Variants in TTF2 observed in about 807,000 individuals in gnomAD.
TTF2 encodes RNA polymerase II termination factor.
A neutral mutation model predicts 142.4 loss-of-function variants in TTF2; 108 were observed. The observed-to-expected ratio is 0.76, with a 90% CI of 0.65 to 0.89. The LOEUF (loss-of-function observed/expected upper bound fraction) is 0.89. Ranked by LOEUF, TTF2 falls within the 40% of genes least tolerant of loss-of-function variation. The probability of loss-of-function intolerance (pLI) is 0.00; values close to 1 mark genes in which losing one functional copy is unlikely to be tolerated. For synonymous variants in TTF2, 483 were observed against 506.2 expected (o/e 0.95, Z 0.61); for missense variants, 1,327 against 1,379.8 (o/e 0.96, Z 0.61).
In TTF2 at chr1:117,084,094, G is replaced by A. The variant is rs1319863164; in HGVS notation, c.1980G>A (p.Val660=). The A allele has an allele frequency of 6.8e-6, 11 of 1,614,048 alleles. No individual in the cohort carries two copies. In the South Asian group the frequency reaches 7.7e-5, roughly 11 times the overall value. ...TGATCCATCATTGGAAAAATGAGGT[G>A]GAGAAACGGGTGAACAGCAACAAAC... The part of the protein sequence containing the change: ...ASLIHHWKNE[V]EKRVNSNKLR... Residue 660 remains valine, a synonymous_variant, in exon 11 of 23, where the codon GTG becomes GTA. Transcript: ENST00000369466.
At chr1:117,077,771 A>G (rs1657133748) in intron 7 of TTF2, 145 bp from the exon 8 acceptor site, 1 of 1,111,214 alleles carries the variant, frequency 9.0e-7, no homozygotes, top group Admixed American at 2.3e-5. Context: ...CCAACTGAGA[A>G]CTGCTAGAGA....
Position 117,066,094 on chromosome 1 carries a change from C to A in TTF2, c.218+3621C>A, listed in dbSNP as rs928430255. 4.8e-4 allele frequency among the ~76,000 whole-genome samples: 72 copies of A among 149,196 alleles called. 1 individual carries two copies. Among genetic ancestry groups the A allele is most frequent in the African/African-American group, 1.7e-3 (67 of 40,294 alleles). On this transcript the variant is annotated intron_variant, in intron 3 of 22. Coordinates refer to ENST00000369466, the MANE Select transcript of TTF2 (RefSeq NM_003594.4). ...TCAAGCAATCCTCCTACCTCAGCCT[C>A]CCAAAGTACTGGGATTACAGGTGTG...
At chr1:117,091,446 G>A (rs1648568657) in intron 16 of TTF2, 36 bp downstream of exon 16, 1 of 1,561,444 alleles carries the variant, frequency 6.4e-7, no homozygotes, top group Non-Finnish European at 8.7e-7. Flanking sequence ...CATATGACTG[G>A]TGAAAATGGG....
In TTF2 at chr1:117,075,633, G is replaced by A. The variant is rs1274418356; in HGVS notation, c.1049G>A (p.Ser350Asn). Residue 350 changes from serine to asparagine, a missense_variant, in exon 5 of 23, where the codon AGC (serine) becomes AAC (asparagine). By Grantham distance (46) the Ser-to-Asn change is conservative (BLOSUM62 1). Transcript: ENST00000369466. This position sits in a 1 kb window ranked among gnomAD's most constrained non-coding sequence, Gnocchi z 4.5. ...GGTGAGGGCCGTGAAGCTGCCACAA[G>A]CAGTGACGACGAGGAGGAAGATGAT... ...SLGEGREAAT[S>N]SDDEEEDDVV... 1.2e-6 allele frequency: 2 copies of A among 1,614,194 alleles called. No homozygotes were observed. The highest frequency in any genetic ancestry group is 1.3e-5 in the African/African-American group (1 of 75,046).
chr1:117,060,352 A>T lies in TTF2; in HGVS notation c.6A>T (p.Glu2Asp), dbSNP rs775916147. ...AACTTGGGGGACCCAGCGAAATGGAAGAAGTTAGGTGTCCAGAGCACGGTA... is the reference window on the plus strand; with the variant it reads ...AACTTGGGGGACCCAGCGAAATGGATGAAGTTAGGTGTCCAGAGCACGGTA... M[E>D]EVRCPEHGTF... is the part of the protein sequence containing the mutation. The change falls in exon 1 of 23, where the codon GAA (glutamate) becomes GAT (aspartate). Residue 2 changes from glutamate to aspartate, a missense_variant. Coordinates refer to ENST00000369466, the MANE Select transcript of TTF2 (RefSeq NM_003594.4). The T allele has an allele frequency of 3.8e-6, 6 of 1,596,924 alleles. No homozygotes were observed. The highest frequency in any genetic ancestry group is 1.8e-5 in the Admixed American group (1 of 56,154).
Position 117,106,982 on chromosome 1 carries a change from T to C in TTF2, c.*5458T>C, listed in dbSNP as rs945616928. On this transcript the variant is annotated 3_prime_UTR_variant, in exon 23 of 23. Coordinates refer to ENST00000369466, the MANE Select transcript of TTF2 (RefSeq NM_003594.4). The stretch of plus-strand genomic sequence containing the variant: ...ACATCCCAGAGGACAGAGGCTCTTA[T>C]TTGTGACTCTTTTTTCTTACCTGTA... 6.6e-6 allele frequency: 1 copy of C among 152,218 alleles called. No individual in the cohort carries two copies. The highest frequency in any genetic ancestry group is 1.9e-4 in the East Asian group (1 of 5,198). The allele number at this position is 152,218 out of a possible 1,614,324, so 9.4% of individuals were successfully genotyped here.
intron 2 of TTF2, among the ~76,000 whole-genome samples, chr1:117,061,154 C>T (rs1477903094): frequency 2.0e-5 from 3 of 152,124 alleles, no homozygotes; most frequent in Admixed American, 2.0e-4. Flanking sequence ...CTTTGGGAGG[C>T]GAAGGCGAGC....
intron 3 of TTF2, among the ~76,000 whole-genome samples, chr1:117,064,831 TTC>T (rs1491371904): frequency 4.9e-4 from 71 of 145,030 alleles, no homozygotes; most frequent in African/African-American, 1.5e-3. Flanking sequence ...TTTTTTTTTT[TTC>T]TTCTTCTTTT....
chr1:117,072,364 C>T (rs976332514), intron 3 of TTF2, among the ~76,000 whole-genome samples: 3 of 151,962 alleles, frequency 2.0e-5, no homozygotes, highest in Non-Finnish European at 4.4e-5. Flanking sequence ...TGAAAAAAAT[C>T]CCAGATAACA....
At chr1:117,082,022 A>G (rs1647560142) in intron 10 of TTF2, 75 bp downstream of exon 10, 3 of 1,600,010 alleles carry the variant, frequency 1.9e-6, no homozygotes, top group Non-Finnish European at 2.6e-6. Flanking sequence ...GTCTTCAGCT[A>G]AAAAAGGACA....
Position 117,090,601 on chromosome 1 carries a change from A to T in TTF2, c.2566A>T (p.Asn856Tyr), listed in dbSNP as rs1490054958. 6.2e-7 allele frequency: 1 copy of T among 1,614,044 alleles called. No homozygotes were observed. The highest frequency in any genetic ancestry group is 8.5e-7 in the Non-Finnish European group (1 of 1,179,984). Residue 856 changes from asparagine (N) to tyrosine (Y), a missense_variant, in exon 15 of 23, where the codon AAT becomes TAT. Physicochemically the swap from Asn to Tyr is moderately radical, Grantham distance 143. Coordinates refer to ENST00000369466, the MANE Select transcript of TTF2 (RefSeq NM_003594.4). This position sits in a 1 kb window ranked among gnomAD's most constrained non-coding sequence, Gnocchi z 4.8. ...TTCTGAAGATGAAGAGACTGTTTAC[A>T]ATGTGTTTTTTGCAAGATCAAGGTG... is the stretch of plus-strand genomic sequence containing the variant. ...KLSEDEETVY[N>Y]VFFARSRSAL...
In TTF2 at chr1:117,075,972, G is replaced by C; in HGVS notation, c.1275+113G>C. The C allele has an allele frequency of 7.0e-7, 1 of 1,436,046 alleles. No homozygotes were observed. Among genetic ancestry groups the C allele is most frequent in the South Asian group, 1.4e-5 (1 of 70,148 alleles). 89.0% of individuals were successfully genotyped at this position (1,436,046 alleles called of 1,614,324 possible). ...ATATGTTCATGTGAAGGTTTTATAG[G>C]TGCATGTTCAGTTTCTGCCTTTTCC... On this transcript the variant is annotated intron_variant, in intron 5 of 22. Transcript: ENST00000369466. This position sits in a 1 kb window ranked among gnomAD's most constrained non-coding sequence, Gnocchi z 4.5.
In TTF2 at chr1:117,088,811, C is replaced by T. The variant is rs1165368452; in HGVS notation, c.2171C>T (p.Thr724Ile). The change falls in exon 13 of 23, where the codon ACA becomes ATA. Residue 724 changes from threonine (T) to isoleucine (I), a missense_variant. Thr to Ile is a moderately conservative substitution (Grantham distance 89). Coordinates refer to ENST00000369466, the MANE Select transcript of TTF2 (RefSeq NM_003594.4). The part of the protein sequence containing the change: ...GANLNVEGTS[T>I]PLLRIAWARI... ...TTGTGATTCTTCCAGGGCACCTCAA[C>T]ACCTTTGCTTCGAATAGCCTGGGCT... 1.9e-6 allele frequency: 3 copies of T among 1,613,176 alleles called. No individual in the cohort carries two copies. The highest frequency in any genetic ancestry group is 2.5e-6 in the Non-Finnish European group (3 of 1,179,700).
rs761712395 is a variant in TTF2, at chr1:117,105,176, T to G, written c.*3652T>G. On this transcript the variant is annotated 3_prime_UTR_variant, in exon 23 of 23. Coordinates refer to ENST00000369466, the MANE Select transcript of TTF2 (RefSeq NM_003594.4). This position sits in a 1 kb window ranked among gnomAD's most constrained non-coding sequence, Gnocchi z 4.7. ...GCCACACAAGTGCTAGTGTTATTGC[T>G]GTGGGACAAGGTCTGGGAATATGAG... 2.0e-5 allele frequency: 3 copies of G among 152,210 alleles called. No homozygotes were observed. Among genetic ancestry groups the G allele is most frequent in the Non-Finnish European group, 4.4e-5 (3 of 68,036 alleles). 9.4% of individuals were successfully genotyped at this position (152,210 alleles called of 1,614,324 possible).
rs766781930 is a variant in TTF2, at chr1:117,074,944, C to A, written c.360C>A (p.Asn120Lys). ...CTGAGACATTTCATCATTCTTCCAA[C>A]TGGCTGAGAAATCCATTCAAGGTAC... is the stretch of plus-strand genomic sequence containing the variant. ...HASETFHHSS[N>K]WLRNPFKVLD... The change falls in exon 5 of 23, where the codon AAC (asparagine) becomes AAA (lysine). Residue 120 changes from asparagine to lysine, a missense_variant. Coordinates refer to ENST00000369466, the MANE Select transcript of TTF2 (RefSeq NM_003594.4). The A allele has an allele frequency of 6.2e-7, 1 of 1,613,716 alleles. No homozygotes were observed. Among genetic ancestry groups the A allele is most frequent in the East Asian group, 2.2e-5 (1 of 44,882 alleles).
Position 117,077,989 on chromosome 1 carries a change from A to G in TTF2, c.1647A>G (p.Ser549=). The change falls in exon 8 of 23, where the codon TCA becomes TCG. Residue 549 remains serine, a synonymous_variant. Transcript: ENST00000369466. ...AAGCCATCGGTCAACTGCATCGCTCACTTGAGTCATGTCCTGGTGAGACGG... is the reference window on the plus strand; with the variant it reads ...AAGCCATCGGTCAACTGCATCGCTCGCTTGAGTCATGTCCTGGTGAGACGG... The part of the protein sequence containing the change: ...TSEAIGQLHR[S]LESCPGETVV... The G allele has an allele frequency of 6.2e-7, 1 of 1,614,190 alleles. No homozygotes were observed. Among genetic ancestry groups the G allele is most frequent in the Non-Finnish European group, 8.5e-7 (1 of 1,180,012 alleles).
intron 12 of TTF2, among the ~76,000 whole-genome samples, chr1:117,088,378 A>G (rs976076230): frequency 6.6e-6 from 1 of 152,180 alleles, no homozygotes; most frequent in Non-Finnish European, 1.5e-5. Flanking sequence ...TCTACTAAAA[A>G]TACAAAAAAT....
rs1657008551 is a variant in TTF2 at position 117,076,360 on chromosome 1, C to G, written c.1390+66C>G. ...CTTTACAAGAGACATTCGGGAAGCCCTTTTAATAAAGAATGTGTTGATTCA... is the reference window on the plus strand; with the variant it reads ...CTTTACAAGAGACATTCGGGAAGCCGTTTTAATAAAGAATGTGTTGATTCA... On this transcript the variant is annotated intron_variant, in intron 6 of 22. Transcript: ENST00000369466. The surrounding 1 kb of genome is among the most constrained non-coding windows in gnomAD (Gnocchi z 4.6). 2.3e-6 allele frequency: 3 copies of G among 1,302,038 alleles called. No homozygotes were observed. Among genetic ancestry groups the G allele is most frequent in the African/African-American group, 3.0e-5 (2 of 67,404 alleles). 80.7% of individuals were successfully genotyped at this position (1,302,038 alleles called of 1,614,324 possible).
In TTF2 at chr1:117,099,324, C is replaced by T. The variant is rs1003647804; in HGVS notation, c.3344+417C>T. 7.9e-5 allele frequency among the ~76,000 whole-genome samples: 12 copies of T among 152,114 alleles called. No individual in the cohort carries two copies. Among genetic ancestry groups the T allele is most frequent in the African/African-American group, 2.9e-4 (12 of 41,406 alleles). ...AGTTGTAGACCTGATGCTCCTTTGTCCCTAAGTACTTAAGTGTACATTTCT... is the reference window on the plus strand; with the variant it reads ...AGTTGTAGACCTGATGCTCCTTTGTTCCTAAGTACTTAAGTGTACATTTCT... On this transcript the variant is annotated intron_variant, in intron 22 of 22. Transcript: ENST00000369466. This position sits in a 1 kb window ranked among gnomAD's most constrained non-coding sequence, Gnocchi z 4.3.
Sources: allele counts gnomAD v4.1 joint callset (sites outside exome capture counted in the v4.1 genomes callset), GRCh38; gene constraint gnomAD v4.1.1; non-coding constraint Gnocchi (gnomAD v3.1); transcripts MANE v1.5; gene names NCBI Gene and HGNC (gene_info 2026-07-23, HGNC 2026-07-21).